Variants in SNTG1 observed in about 807,000 individuals in gnomAD.
SNTG1 encodes the protein syntrophin gamma 1, also known as gamma-1-syntrophin.
A neutral mutation model predicts 74.7 loss-of-function variants in SNTG1; 39 were observed. That is an observed-to-expected ratio of 0.52 (90% CI 0.40 to 0.68). The LOEUF (loss-of-function observed/expected upper bound fraction) is 0.68. SNTG1 is among the 30% of genes least tolerant of loss of function. The pLI, the probability that SNTG1 is intolerant of heterozygous loss-of-function variation, is 0.00. For missense variants in SNTG1, 685 were observed against 609.5 expected (o/e 1.12, Z -1.30); for synonymous variants, 254 against 217.1 (o/e 1.17, Z -1.49).
intron 2 of SNTG1, among the ~76,000 whole-genome samples, chr8:50,245,278 A>G (rs1256418497): frequency 1.3e-5 from 2 of 152,288 alleles, no homozygotes; most frequent in East Asian, 3.9e-4. Flanking sequence ...CAATTCCTTG[A>G]TTTGAGACAG....
chr8:50,732,162 C>A (rs903220206), intron 17 of SNTG1, among the ~76,000 whole-genome samples: 10 of 151,920 alleles, frequency 6.6e-5, no homozygotes, highest in African/African-American at 2.4e-4. Context: ...AGTCTGTTCA[C>A]TCTTAAAAGT....
chr8:50,352,658 C>T (rs899580468), intron 2 of SNTG1, among the ~76,000 whole-genome samples: 3 of 152,086 alleles, frequency 2.0e-5, no homozygotes, highest in Non-Finnish European at 2.9e-5. Flanking sequence ...TCCAAAGTGC[C>T]AGGATTACAG....
At chr8:49,997,432 G>T (rs1478730451) in intron 1 of SNTG1, among the ~76,000 whole-genome samples, 2 of 151,886 alleles carry the variant, frequency 1.3e-5, no homozygotes, top group Non-Finnish European at 2.9e-5. Flanking sequence ...TTATTTCTCT[G>T]CTCCCTTAAC....
At chr8:49,938,613 TTC>T (rs1289830148) in intron 1 of SNTG1, among the ~76,000 whole-genome samples, 5 of 123,762 alleles carry the variant, frequency 4.0e-5, no homozygotes, top group African/African-American at 4.1e-5. Flanking sequence ...TTTTCTTTCT[TTC>T]TTTCTTTCTT....
chr8:49,978,228 AGAGAGCGGGG>A (rs1447992597), intron 1 of SNTG1, among the ~76,000 whole-genome samples: 2 of 152,068 alleles, frequency 1.3e-5, no homozygotes, highest in Non-Finnish European at 2.9e-5. Context: ...ACTGAAATAG[AGAGAGCGGGG>A]GAGAGAGGGA....
chr8:50,683,879 A>G (rs1262905512), intron 15 of SNTG1, among the ~76,000 whole-genome samples: 2 of 152,222 alleles, frequency 1.3e-5, no homozygotes, highest in East Asian at 3.9e-4. Context: ...GTCCTCAAGG[A>G]TATAAAAGGT....
intron 13 of SNTG1, among the ~76,000 whole-genome samples, chr8:50,607,868 C>T (rs1336984116): frequency 1.3e-5 from 2 of 151,526 alleles, no homozygotes; most frequent in African/African-American, 4.8e-5. Context: ...TGAAATAATG[C>T]TTTACTGCAT....
At chr8:50,105,750 C>G (rs981750015) in intron 1 of SNTG1, among the ~76,000 whole-genome samples, 1 of 151,924 alleles carries the variant, frequency 6.6e-6, no homozygotes, top group Non-Finnish European at 1.5e-5. Context: ...TTTCGCTTTC[C>G]TGGTTAGCTG....
In SNTG1 at chr8:50,113,488, G is replaced by A. The variant is rs1292700172; in HGVS notation, c.-102-59073G>A. ...TCAGCTTAAGGAGATTTTGGGCTGA[G>A]ACGATGGGGTTTTCTAGATATACAA... On this transcript the variant is annotated intron_variant, in intron 1 of 18. Transcript: ENST00000642720. 3.9e-5 allele frequency among the ~76,000 whole-genome samples: 6 copies of A among 152,252 alleles called. No homozygotes were observed. The East Asian group carries it at 1.2e-3, about 29-fold the overall frequency.
intron 2 of SNTG1, among the ~76,000 whole-genome samples, chr8:50,329,566 C>A (rs1263008535): frequency 6.6e-6 from 1 of 152,112 alleles, no homozygotes; most frequent in Non-Finnish European, 1.5e-5. Flanking sequence ...CCCCTTTTAG[C>A]CACACTAGAG....
chr8:50,578,880 T>A (rs2094592286), intron 12 of SNTG1, among the ~76,000 whole-genome samples: 1 of 152,178 alleles, frequency 6.6e-6, no homozygotes, highest in Non-Finnish European at 1.5e-5. Flanking sequence ...AGTGTGAAGA[T>A]GGACTAATAT....
Position 50,560,100 on chromosome 8 carries a change from A to G in SNTG1, c.810+6921A>G, listed in dbSNP as rs140645027. ...CACAAAATAAGACACTCATGCAGCC[A>G]AAAAACATATTAAAAAAACCCTCAA... On this transcript the variant is annotated intron_variant, in intron 12 of 18. Transcript: ENST00000642720. Among the ~76,000 whole-genome samples the G allele has an allele frequency of 5.4e-3, 823 of 152,288 alleles. 7 individuals carry two copies. The highest frequency in any genetic ancestry group is 0.018 in the African/African-American group (768 of 41,560).
intron 17 of SNTG1, among the ~76,000 whole-genome samples, chr8:50,744,382 G>A (rs960634753): frequency 1.1e-4 from 17 of 151,898 alleles, no homozygotes; most frequent in Non-Finnish European, 2.2e-4. Flanking sequence ...TAACCAAGTA[G>A]GTGAAAGTCT....
intron 15 of SNTG1, among the ~76,000 whole-genome samples, chr8:50,696,833 T>G (rs1343509385): frequency 6.6e-6 from 1 of 152,170 alleles, no homozygotes; most frequent in Non-Finnish European, 1.5e-5. Flanking sequence ...ACCATGCTAT[T>G]TTGCTTACTA....
At chr8:50,716,117 ACAT>A (rs894071677) in intron 17 of SNTG1, among the ~76,000 whole-genome samples, 1 of 152,148 alleles carries the variant, frequency 6.6e-6, no homozygotes, top group African/African-American at 2.4e-5. Flanking sequence ...ACTTTATTAC[ACAT>A]CTTTAGGCTT....
chr8:50,759,288 T>C (rs967069864), intron 18 of SNTG1, among the ~76,000 whole-genome samples: 19 of 152,244 alleles, frequency 1.2e-4, no homozygotes, highest in African/African-American at 4.6e-4. Flanking sequence ...TAGTCTCTTT[T>C]GCTGTGCAGA....
At chr8:50,350,035 G>C (rs905174977) in intron 2 of SNTG1, among the ~76,000 whole-genome samples, 1 of 152,198 alleles carries the variant, frequency 6.6e-6, no homozygotes, top group Non-Finnish European at 1.5e-5. Flanking sequence ...CCTGCCGGCC[G>C]GGCAATGAGG....
chr8:50,032,061 T>C (rs1051965969), intron 1 of SNTG1, among the ~76,000 whole-genome samples: 4 of 152,184 alleles, frequency 2.6e-5, no homozygotes, highest in African/African-American at 4.8e-5. Flanking sequence ...GTCTAGTTTA[T>C]AAAATTTGTG....
chr8:50,152,689 A>T (rs2082110448), intron 1 of SNTG1, among the ~76,000 whole-genome samples: 1 of 152,188 alleles, frequency 6.6e-6, no homozygotes, highest in African/African-American at 2.4e-5. Context: ...TGGATATGAA[A>T]TTCTGGGTTG....
Sources: allele counts gnomAD v4.1 joint callset (sites outside exome capture counted in the v4.1 genomes callset), GRCh38; gene constraint gnomAD v4.1.1; transcripts MANE v1.5; gene names NCBI Gene and HGNC (gene_info 2026-07-23, HGNC 2026-07-21).